The following PHF24 variants were observed in gnomAD, a reference collection of about 807,000 sequenced individuals.
The protein encoded by PHF24 is PHD finger protein 24, also known as Galpha inhibitory interacting protein.
In PHF24, 25 loss-of-function variants were observed where a neutral mutation model predicts 42.6. That is an observed-to-expected ratio of 0.59 (90% CI 0.43 to 0.82). The LOEUF is 0.82. Ranked by LOEUF, PHF24 falls within the 40% of genes least tolerant of loss-of-function variation. The pLI is 0.00. For missense variants in PHF24, 470 were observed against 538.1 expected (o/e 0.87, Z 1.25); for synonymous variants, 185 against 204.8 (o/e 0.90, Z 0.83).
chr9:34,738,535 A>G, the PHF24 span, among the ~76,000 whole-genome samples: 1 of 151,628 alleles, frequency 6.6e-6, no homozygotes, highest in African/African-American at 2.4e-5. Context: ...TTTAGTAGAG[A>G]TGGGGTTTCA....
chr9:34,863,452 A>AGAGC, the PHF24 span, among the ~76,000 whole-genome samples: 1 of 131,432 alleles, frequency 7.6e-6, no homozygotes, highest in African/African-American at 2.8e-5. Flanking sequence ...AGAGAGAGAG[A>AGAGC]CTCCATTTAT....
At chr9:34,852,337 G>A in the PHF24 span, among the ~76,000 whole-genome samples, 1 of 152,100 alleles carries the variant, frequency 6.6e-6, no homozygotes, top group African/African-American at 2.4e-5. Flanking sequence ...TCAACTGCAT[G>A]GGGGGGTCAG....
the PHF24 span, among the ~76,000 whole-genome samples, chr9:34,941,305 T>C: frequency 6.6e-6 from 1 of 152,172 alleles, no homozygotes; most frequent in African/African-American, 2.4e-5. Context: ...TGCCCCTGGA[T>C]GATGCTATGT....
chr9:34,951,014 G>A, the PHF24 span, among the ~76,000 whole-genome samples: 2 of 152,178 alleles, frequency 1.3e-5, no homozygotes, highest in Admixed American at 1.3e-4. Context: ...GGTCTGTAGG[G>A]CAGATATTAA....
At chr9:34,684,717 G>C in the PHF24 span, among the ~76,000 whole-genome samples, 1 of 152,200 alleles carries the variant, frequency 6.6e-6, no homozygotes, top group African/African-American at 2.4e-5. Flanking sequence ...CAGGAATGAG[G>C]TCGACGTGGT....
chr9:34,691,775 C>T, the PHF24 span, among the ~76,000 whole-genome samples: 1 of 152,142 alleles, frequency 6.6e-6, no homozygotes, highest in African/African-American at 2.4e-5. Context: ...CCAGTCCTTC[C>T]CTTGGGGCAA....
At position 34,958,633 on chromosome 9, in the gene PHF24, G is replaced by A. The variant is rs991796501; in HGVS notation, c.-5+232G>A. Among the ~76,000 whole-genome samples the A allele has an allele frequency of 6.6e-6, 1 of 152,176 alleles. No individual in the cohort carries two copies. The highest frequency in any genetic ancestry group is 2.4e-5 in the African/African-American group (1 of 41,436). Reference sequence around the variant, plus strand: ...ACCCCCTGTGGGAATGGACTCCCGCGGCGCTGTCTGCATTTGCTGCCATAG... The same window carrying A: ...ACCCCCTGTGGGAATGGACTCCCGCAGCGCTGTCTGCATTTGCTGCCATAG... On this transcript the variant is annotated intron_variant, in intron 1 of 7. Transcript: ENST00000242315. This position sits in a 1 kb window ranked among gnomAD's most constrained non-coding sequence, Gnocchi z 4.5.
At chr9:34,837,569 T>C in the PHF24 span, 1 of 1,039,126 alleles carries the variant, frequency 9.6e-7, no homozygotes. Flanking sequence ...AGCACCTGGC[T>C]CTTGGCTCCA....
the PHF24 span, among the ~76,000 whole-genome samples, chr9:34,667,837 G>T: frequency 6.6e-6 from 1 of 152,184 alleles, no homozygotes; most frequent in Admixed American, 6.5e-5. Context: ...AAAGGCCCTG[G>T]TGTGAGGGGC....
At chr9:34,940,607 C>T in the PHF24 span, among the ~76,000 whole-genome samples, 8 of 152,248 alleles carry the variant, frequency 5.3e-5, no homozygotes, top group South Asian at 6.2e-4. Flanking sequence ...AAAATAAGTT[C>T]CCTCTTTGTT....
the PHF24 span, among the ~76,000 whole-genome samples, chr9:34,874,764 A>T: frequency 6.6e-6 from 1 of 152,310 alleles, no homozygotes; most frequent in Admixed American, 6.5e-5. Flanking sequence ...GTCCGTTTTC[A>T]CTAGACCTTT....
chr9:34,823,049 A>G, the PHF24 span, among the ~76,000 whole-genome samples: 1 of 146,498 alleles, frequency 6.8e-6, no homozygotes, highest in African/African-American at 2.5e-5. Flanking sequence ...ACAAAAAATT[A>G]GCCGGGCGCG....
chr9:34,894,591 A>G, the PHF24 span: 1 of 398,204 alleles, frequency 2.5e-6, no homozygotes, highest in Admixed American at 4.4e-5. Flanking sequence ...TAATGAGAAG[A>G]TACTGAAAAC....
chr9:34,697,270 T>G, the PHF24 span, among the ~76,000 whole-genome samples: 1 of 152,230 alleles, frequency 6.6e-6, no homozygotes, highest in East Asian at 1.9e-4. Flanking sequence ...AAACTGTAGA[T>G]TCTATTCAGT....
chr9:34,958,103 G>A (rs908747299), upstream of PHF24, among the ~76,000 whole-genome samples: 41 of 149,044 alleles, frequency 2.8e-4, no homozygotes, highest in African/African-American at 1.0e-3. This position sits in a 1 kb window ranked among gnomAD's most constrained non-coding sequence, Gnocchi z 4.5. Flanking sequence ...AGCCGCGAGG[G>A]CGTCTCCTGG....
chr9:34,884,327 A>G, the PHF24 span, among the ~76,000 whole-genome samples: 1 of 152,318 alleles, frequency 6.6e-6, no homozygotes, highest in Non-Finnish European at 1.5e-5. Flanking sequence ...TACATATGTA[A>G]CAAACCTGCA....
At chr9:34,869,792 A>G in the PHF24 span, among the ~76,000 whole-genome samples, 1 of 152,126 alleles carries the variant, frequency 6.6e-6, no homozygotes, top group South Asian at 2.1e-4. Flanking sequence ...TTTAGTTTAT[A>G]TAGCCAGATG....
At chr9:34,676,177 T>C in the PHF24 span, among the ~76,000 whole-genome samples, 3 of 152,144 alleles carry the variant, frequency 2.0e-5, no homozygotes, top group Non-Finnish European at 4.4e-5. Flanking sequence ...AAGTCAGGGC[T>C]GGGCTGTAGT....
chr9:34,923,888 T>A, the PHF24 span, among the ~76,000 whole-genome samples: 1 of 152,114 alleles, frequency 6.6e-6, no homozygotes, highest in Non-Finnish European at 1.5e-5. Context: ...TTTAGATGCA[T>A]CATTAGTTTG....
Sources: allele counts gnomAD v4.1 joint callset (sites outside exome capture counted in the v4.1 genomes callset), GRCh38; gene constraint gnomAD v4.1.1; non-coding constraint Gnocchi (gnomAD v3.1); transcripts MANE v1.5; gene names NCBI Gene and HGNC (gene_info 2026-07-23, HGNC 2026-07-21).